PCNX2: variants seen among roughly 807,000 people sequenced by gnomAD.
PCNX2 encodes the protein pecanex 2.
In PCNX2, 168 loss-of-function variants were observed where a neutral mutation model predicts 223.8. The observed-to-expected ratio is 0.75, with a 90% CI of 0.66 to 0.85. The LOEUF (loss-of-function observed/expected upper bound fraction) is 0.85, where lower values mean the gene tolerates loss of function less well. Among genes scored for constraint, PCNX2 ranks in the 40% least tolerant of loss-of-function variants. The pLI is 0.00. For synonymous variants in PCNX2, 1,006 were observed against 1,052.6 expected (o/e 0.96, Z 0.86); for missense variants, 2,507 against 2,675.5 (o/e 0.94, Z 1.39).
chr1:232,996,924 A>G (rs1189186886), intron 32 of PCNX2, among the ~76,000 whole-genome samples: 2 of 152,142 alleles, frequency 1.3e-5, no homozygotes, highest in Non-Finnish European at 2.9e-5. Flanking sequence ...TCCTTCTTCA[A>G]CTCTATGTTT....
chr1:233,111,999 T>C (rs375658582), intron 21 of PCNX2, among the ~76,000 whole-genome samples: 7 of 152,218 alleles, frequency 4.6e-5, no homozygotes, highest in African/African-American at 1.4e-4. Flanking sequence ...CACTGCTTTT[T>C]CTGATAAGAC....
intron 17 of PCNX2, among the ~76,000 whole-genome samples, chr1:233,173,828 A>C (rs904686540): frequency 1.3e-5 from 2 of 151,916 alleles, no homozygotes; most frequent in African/African-American, 4.8e-5. Context: ...TGTGAGTTGG[A>C]TCACATTTTC....
chr1:233,054,325 G>C lies in PCNX2; in HGVS notation c.4294C>G (p.Leu1432Val). Residue 1432 changes from leucine (L) to valine (V), a missense_variant, in exon 25 of 34, where the codon CTG becomes GTG. Around this residue, in one of 3 missense-constraint regions of PCNX2, gnomAD observed 1,372 missense variants for 1,509.4 expected, o/e 0.91. Coordinates refer to ENST00000258229, the MANE Select transcript of PCNX2 (RefSeq NM_014801.4). ...ASDDLNAFVH[L>V]IEIGNGLVTF... ...ACAAGACCATTTCCAATTTCAATCA[G>C]GTGAACAAAGGCATTGAGGTCATCT... 1 of 1,613,882 alleles carries C rather than the reference G, an allele frequency of 6.2e-7. No individual in the cohort carries two copies. Among genetic ancestry groups the C allele is most frequent in the Non-Finnish European group, 8.5e-7 (1 of 1,179,862 alleles).
At chr1:233,140,718 A>G (rs1677054908) in intron 19 of PCNX2, among the ~76,000 whole-genome samples, 1 of 152,178 alleles carries the variant, frequency 6.6e-6, no homozygotes, top group African/African-American at 2.4e-5. Context: ...AAACTTCCTT[A>G]GGTCACATTC....
intron 23 of PCNX2, among the ~76,000 whole-genome samples, chr1:233,076,155 G>A (rs376701280): frequency 3.9e-5 from 6 of 152,182 alleles, no homozygotes; most frequent in African/African-American, 1.4e-4. Context: ...ACTGATTTAA[G>A]GTTTCGACTT....
At position 233,001,522 on chromosome 1, in the gene PCNX2, A is replaced by AAATAAAAT. The variant is rs755559576; in HGVS notation, c.5097+14_5097+15insATTTTATT. 9 of 1,099,900 alleles carry AAATAAAAT rather than the reference A, an allele frequency of 8.2e-6. No individual in the cohort carries two copies. The African/African-American group carries it at 1.5e-4, about 18-fold the overall frequency. The allele number at this position is 1,099,900 out of a possible 1,614,324, so 68.1% of individuals were successfully genotyped here. ...TAAATAAATAAATAAATAAATAAAT[A>AAATAAAAT]AAATAGGTTTTTACCTGGTGAAGTT... On this transcript the variant is annotated intron_variant, in intron 29 of 33. Transcript: ENST00000258229. The surrounding 1 kb of genome is among the most constrained non-coding windows in gnomAD (Gnocchi z 4.2).
At chr1:233,316,349 C>T in the PCNX2 span, among the ~76,000 whole-genome samples, 1 of 152,214 alleles carries the variant, frequency 6.6e-6, no homozygotes, top group Non-Finnish European at 1.5e-5. Flanking sequence ...GTTACCGTAT[C>T]ATCACCACCA....
chr1:233,043,141 G>A (rs541340704), intron 25 of PCNX2, among the ~76,000 whole-genome samples: 1 of 152,292 alleles, frequency 6.6e-6, no homozygotes, highest in South Asian at 2.1e-4. Flanking sequence ...GGCTCCTGCT[G>A]TTGGCAGCAT....
chr1:233,135,516 C>T (rs908600007), intron 20 of PCNX2, among the ~76,000 whole-genome samples: 4 of 152,180 alleles, frequency 2.6e-5, no homozygotes, highest in Admixed American at 2.6e-4. Flanking sequence ...TGTTCTCCAG[C>T]AAGGGCACAG....
intron 23 of PCNX2, among the ~76,000 whole-genome samples, chr1:233,081,206 G>C (rs1673343972): frequency 6.6e-6 from 1 of 152,084 alleles, no homozygotes; most frequent in Non-Finnish European, 1.5e-5. Context: ...AATTAGCCAG[G>C]CATGATGGCA....
chr1:232,997,498 C>A (rs1174875216), intron 32 of PCNX2, among the ~76,000 whole-genome samples: 2 of 152,138 alleles, frequency 1.3e-5, no homozygotes. Context: ...AAAGTAAAAC[C>A]ACTAACATGC....
chr1:233,177,847 T>C lies in PCNX2; in HGVS notation c.3228A>G (p.Ala1076=). The stretch of plus-strand genomic sequence containing the variant: ...TGGGGAGAGGGTCAGCAGCTGACTC[T>C]GCCAGATTTTGATGTAAAAATTTAG... ...LFPKFLHQNL[A]ESAADPLPKK... Residue 1076 remains alanine (A), a synonymous_variant, in exon 17 of 34, where the codon GCA becomes GCG. Transcript: ENST00000258229. 6.2e-7 allele frequency: 1 copy of C among 1,614,006 alleles called. No homozygotes were observed. The highest frequency in any genetic ancestry group is 8.5e-7 in the Non-Finnish European group (1 of 1,179,872).
intron 32 of PCNX2, among the ~76,000 whole-genome samples, chr1:232,995,958 A>G (rs1669860548): frequency 6.6e-6 from 1 of 152,032 alleles, no homozygotes; most frequent in Non-Finnish European, 1.5e-5. Flanking sequence ...CCTGGGTTCA[A>G]GGGATTCTCC....
At chr1:233,271,128 A>G (rs1660618860) in intron 1 of PCNX2, among the ~76,000 whole-genome samples, 1 of 152,236 alleles carries the variant, frequency 6.6e-6, no homozygotes, top group South Asian at 2.1e-4. Flanking sequence ...GAATGAATCA[A>G]TAAGTTTATA....
At chr1:233,269,873 T>C (rs188371865) in intron 1 of PCNX2, among the ~76,000 whole-genome samples, 11 of 152,328 alleles carry the variant, frequency 7.2e-5, no homozygotes, top group Admixed American at 7.2e-4. Context: ...TAGAACCTCC[T>C]ACTCAAGCTG....
At chr1:233,060,295 C>A (rs942224285) in intron 23 of PCNX2, among the ~76,000 whole-genome samples, 4 of 152,206 alleles carry the variant, frequency 2.6e-5, no homozygotes, top group African/African-American at 9.7e-5. Context: ...ACCTTAAGAC[C>A]TACCACAAAT....
chr1:233,052,491 T>G (rs541257353), intron 25 of PCNX2, among the ~76,000 whole-genome samples: 24 of 152,306 alleles, frequency 1.6e-4, no homozygotes, highest in African/African-American at 5.8e-4. Context: ...CCTTAGCAGG[T>G]AAGGCCCTTC....
intron 15 of PCNX2, among the ~76,000 whole-genome samples, chr1:233,188,946 C>A (rs186620064): frequency 5.4e-4 from 82 of 152,320 alleles, no homozygotes; most frequent in Middle Eastern, 3.4e-3. Flanking sequence ...ACATCCCATC[C>A]CCTTCACAGG....
At chr1:233,128,328 T>G (rs996261764) in intron 21 of PCNX2, among the ~76,000 whole-genome samples, 6 of 152,282 alleles carry the variant, frequency 3.9e-5, no homozygotes, top group East Asian at 1.9e-4. Flanking sequence ...CAATGTTTTT[T>G]TTTTGTTTTG....
Sources: gnomAD v4.1 joint callset for allele counts (sites outside exome capture counted in the v4.1 genomes callset) on GRCh38, gnomAD v4.1.1 for gene constraint, gnomAD v4.1.1 regional missense constraint, Gnocchi (gnomAD v3.1) non-coding constraint, MANE v1.5 for transcripts, NCBI Gene and HGNC (gene_info 2026-07-23, HGNC 2026-07-21) for gene names.